NAV2: variants seen among roughly 807,000 people sequenced by gnomAD.
The protein encoded by NAV2 is neuron navigator 2.
NAV2 carries 54 observed loss-of-function variants against 223.2 expected under a neutral mutation model. The ratio of observed to expected loss-of-function variants is 0.24; its 90% CI spans 0.19 to 0.30. The LOEUF (loss-of-function observed/expected upper bound fraction) is 0.30, where lower values mean the gene tolerates loss of function less well. NAV2 is among the 10% of genes least tolerant of loss of function. The probability of loss-of-function intolerance (pLI) is 1.00; values close to 1 mark genes in which losing one functional copy is unlikely to be tolerated. For missense variants in NAV2, 2,806 were observed against 3,147.5 expected (o/e 0.89, Z 2.60); for synonymous variants, 1,279 against 1,239.3 (o/e 1.03, Z -0.67).
chr11:19,450,175 G>T (rs184850218), intron 1 of NAV2, among the ~76,000 whole-genome samples: 1 of 152,280 alleles, frequency 6.6e-6, no homozygotes, highest in East Asian at 1.9e-4. Context: ...GCAGCCGCAT[G>T]GTACACATGG....
At chr11:20,040,625 A>T (rs1234464955) in intron 12 of NAV2, among the ~76,000 whole-genome samples, 1 of 152,182 alleles carries the variant, frequency 6.6e-6, no homozygotes, top group Non-Finnish European at 1.5e-5. Flanking sequence ...TCCCTTCTGA[A>T]GTCCCTTGTG....
At chr11:20,091,165 A>C in intron 27 of NAV2, 147 bp downstream of exon 27, 1 of 729,104 alleles carries the variant, frequency 1.4e-6, no homozygotes, top group East Asian at 2.7e-5. Flanking sequence ...TCCCTCCCAC[A>C]CATTGCTCAA....
Position 20,055,804 on chromosome 11 carries a change from A to G in NAV2, c.4678A>G (p.Asn1560Asp). ...PTTVTQMSLS[N>D]PTMLRTHSLS... is the part of the protein sequence containing the mutation. The stretch of plus-strand genomic sequence containing the variant: ...CACTGTCACCCAGATGAGCTTGTCC[A>G]ACCCGACCATGCTGAGGACTCACAG... Residue 1560 changes from asparagine to aspartate, a missense_variant, in exon 19 of 38, where the codon AAC becomes GAC. By Grantham distance (23) the Asn-to-Asp change is conservative (BLOSUM62 1). Coordinates refer to ENST00000349880, the MANE Select transcript of NAV2 (RefSeq NM_145117.5). 6.2e-7 allele frequency: 1 copy of G among 1,614,174 alleles called. No homozygotes were observed. The highest frequency in any genetic ancestry group is 8.5e-7 in the Non-Finnish European group (1 of 1,180,012).
intron 1 of NAV2, among the ~76,000 whole-genome samples, chr11:19,771,115 A>G (rs1264367144): frequency 6.6e-6 from 1 of 152,174 alleles, no homozygotes; most frequent in African/African-American, 2.4e-5. Context: ...TGTCAATTCT[A>G]TTTAATTATA....
rs557794647 is a variant in NAV2 at position 20,021,143 on chromosome 11, C to T, written c.2769-14816C>T. Among the ~76,000 whole-genome samples the T allele has an allele frequency of 6.6e-5, 10 of 152,250 alleles. No homozygotes were observed. The South Asian group carries it at 1.2e-3, about 19-fold the overall frequency. On this transcript the variant is annotated intron_variant, in intron 11 of 37. Coordinates refer to ENST00000349880, the MANE Select transcript of NAV2 (RefSeq NM_145117.5). ...TCTTCTTTACAATACGTTGTTCTCC[C>T]GAGCATTTATTGCTAATGTACTGTA...
chr11:20,078,145 G>GC (rs1207133069), intron 24 of NAV2, 41 bp downstream of exon 24: 4 of 1,360,258 alleles, frequency 2.9e-6, no homozygotes, highest in Non-Finnish European at 4.2e-6. Context: ...AGACCTGCCT[G>GC]CCCTTAGGAG....
chr11:20,044,260 AC>A lies in NAV2; in HGVS notation c.3191del (p.Pro1064GlnfsTer24). ...KPSAPAGALK[T>X]PGTGKTDDAK... ...TTCAGCCCCGGCAGGCGCACTGAAG[AC>A]CCCAGGAACTGGTAAGAGGCCGGGG... On this transcript the variant is annotated frameshift_variant, in exon 13 of 38. Coordinates refer to ENST00000349880, the MANE Select transcript of NAV2 (RefSeq NM_145117.5). LOFTEE classifies it high-confidence loss of function. The A allele has an allele frequency of 6.2e-7, 1 of 1,607,210 alleles. No homozygotes were observed.
At chr11:19,688,190 T>C (rs2049075670) in intron 1 of NAV2, among the ~76,000 whole-genome samples, 1 of 152,208 alleles carries the variant, frequency 6.6e-6, no homozygotes, top group Non-Finnish European at 1.5e-5. Context: ...CAGCCTTGAA[T>C]TGCATGATTA....
chr11:19,965,680 T>C (rs2048714584), intron 10 of NAV2, among the ~76,000 whole-genome samples: 1 of 152,278 alleles, frequency 6.6e-6, no homozygotes. Context: ...CCTCAGTGGC[T>C]CTTCACTGCC....
At chr11:20,105,819 T>G (rs571275726) in intron 35 of NAV2, 92 bp downstream of exon 35, 17 of 1,020,998 alleles carry the variant, frequency 1.7e-5, no homozygotes, top group Middle Eastern at 3.2e-4. Flanking sequence ...GCAGGCACAG[T>G]CAGCAGAAGC....
At chr11:19,828,822 T>G (rs2059788160) in intron 1 of NAV2, among the ~76,000 whole-genome samples, 1 of 152,192 alleles carries the variant, frequency 6.6e-6, no homozygotes, top group Non-Finnish European at 1.5e-5. Context: ...CGTTTGGCAT[T>G]GGTGTGTAGG....
intron 1 of NAV2, among the ~76,000 whole-genome samples, chr11:19,691,277 T>A (rs1409951699): frequency 6.6e-6 from 1 of 152,022 alleles, no homozygotes; most frequent in Non-Finnish European, 1.5e-5. Context: ...ACAGATGACA[T>A]TCATTATAGC....
the NAV2 span, among the ~76,000 whole-genome samples, chr11:19,345,530 G>A: frequency 1.3e-5 from 2 of 152,328 alleles, no homozygotes; most frequent in South Asian, 2.1e-4. The surrounding 1 kb of genome is among the most constrained non-coding windows in gnomAD (Gnocchi z 5.2). Context: ...CCTCTGCTGC[G>A]GGACTCTGAC....
rs2041178864 is a variant in NAV2 at position 19,888,089 on chromosome 11, T to C, written c.771-4345T>C. The stretch of plus-strand genomic sequence containing the variant: ...ACGTTGGAGAAATTGACCATGGCTC[T>C]AACAGCAGCAGGATTGTTCCCCCAC... On this transcript the variant is annotated intron_variant, in intron 5 of 37. Coordinates refer to ENST00000349880, the MANE Select transcript of NAV2 (RefSeq NM_145117.5). Among the ~76,000 whole-genome samples, 2 of 152,196 alleles carry C rather than the reference T, an allele frequency of 1.3e-5. 1 individual carries two copies. Among genetic ancestry groups the C allele is most frequent in the African/African-American group, 4.8e-5 (2 of 41,442 alleles).
intron 4 of NAV2, among the ~76,000 whole-genome samples, chr11:19,878,743 G>T (rs1209158389): frequency 6.6e-6 from 1 of 152,174 alleles, no homozygotes; most frequent in Admixed American, 6.5e-5. Context: ...TTCCTCCTCT[G>T]CGTGGAAAGG....
rs1407427632 is a variant in NAV2 at position 20,092,351 on chromosome 11, C to A, written c.5798C>A (p.Thr1933Asn). 6.2e-7 allele frequency: 1 copy of A among 1,612,808 alleles called. No individual in the cohort carries two copies. The highest frequency in any genetic ancestry group is 8.5e-7 in the Non-Finnish European group (1 of 1,179,004). Residue 1933 changes from threonine to asparagine, a missense_variant, in exon 28 of 38, where the codon ACT (threonine) becomes AAT (asparagine). Physicochemically the swap from Thr to Asn is moderately conservative, Grantham distance 65. Coordinates refer to ENST00000349880, the MANE Select transcript of NAV2 (RefSeq NM_145117.5). ...CTCTCCCAGCACAGCTTGAACCTCA[C>A]TGAGTCAACCAGCCTGGGTGAGTGG... ...MGLSQHSLNLTESTSLDMLLD... is the reference protein window; with the variant it reads ...MGLSQHSLNLNESTSLDMLLD...
chr11:19,428,226 G>T (rs1238954905), intron 1 of NAV2, among the ~76,000 whole-genome samples: 1 of 152,058 alleles, frequency 6.6e-6, no homozygotes, highest in African/African-American at 2.4e-5. Flanking sequence ...TATTGGCAAC[G>T]AATTTAAAAC....
intron 1 of NAV2, among the ~76,000 whole-genome samples, chr11:19,790,855 A>C (rs1421762651): frequency 1.3e-5 from 2 of 151,982 alleles, no homozygotes; most frequent in African/African-American, 2.4e-5. Context: ...CTTCCAGGGA[A>C]GAACTGCAGC....
intron 25 of NAV2, among the ~76,000 whole-genome samples, chr11:20,082,323 C>A (rs138810826): frequency 8.7e-4 from 133 of 152,256 alleles, no homozygotes; most frequent in Middle Eastern, 6.8e-3. Flanking sequence ...TGGGAGGCAG[C>A]CATTTCAGCC....
Sources: allele counts gnomAD v4.1 joint callset (sites outside exome capture counted in the v4.1 genomes callset), GRCh38; gene constraint gnomAD v4.1.1; non-coding constraint Gnocchi (gnomAD v3.1); transcripts MANE v1.5; gene names NCBI Gene and HGNC (gene_info 2026-07-23, HGNC 2026-07-21).